Variants in GSK3B observed in about 807,000 individuals in gnomAD.
GSK3B encodes the protein glycogen synthase kinase-3 beta.
A neutral mutation model predicts 56.4 loss-of-function variants in GSK3B; 15 were observed. The observed-to-expected ratio is 0.27, with a 90% confidence interval of 0.18 to 0.41. The LOEUF (loss-of-function observed/expected upper bound fraction) is 0.41, where lower values mean the gene tolerates loss of function less well. Among genes scored for constraint, GSK3B ranks in the 10% least tolerant of loss-of-function variants. GSK3B has a pLI of 1.00. For missense variants in GSK3B, 300 were observed against 513.4 expected (o/e 0.58, Z 4.02); for synonymous variants, 181 against 188.9 (o/e 0.96, Z 0.34).
intron 1 of GSK3B, among the ~76,000 whole-genome samples, chr3:120,070,240 CAA>C (rs11341740): frequency 1.8e-4 from 23 of 131,134 alleles, no homozygotes; most frequent in African/African-American, 3.9e-4. Flanking sequence ...AAACAAAAAA[CAA>C]AAAAAAAAAA....
At position 119,863,400 on chromosome 3, in the gene GSK3B, G is replaced by A. The variant is rs201157969; in HGVS notation, c.1096+19C>T. 6.3e-6 allele frequency: 10 copies of A among 1,594,110 alleles called. No homozygotes were observed. Among genetic ancestry groups the A allele is most frequent in the Admixed American group, 1.7e-5 (1 of 59,966 alleles). ...TAGCTTTCCTAGAACTGGTGAAGAG[G>A]CTAAGTGTTTGGAGTTACCTTGAGT... On this transcript the variant is annotated intron_variant, in intron 9 of 10. Coordinates refer to ENST00000264235, the MANE Select transcript of GSK3B (RefSeq NM_001146156.2).
chr3:119,895,911 G>C (rs1559826942), intron 7 of GSK3B, among the ~76,000 whole-genome samples: 1 of 151,936 alleles, frequency 6.6e-6, no homozygotes, highest in Non-Finnish European at 1.5e-5. Context: ...ATCACTTCTT[G>C]AGCCCAGGAG....
chr3:119,843,224 T>C, intron 10 of GSK3B, 31 bp downstream of exon 10: 3 of 1,440,474 alleles, frequency 2.1e-6, no homozygotes, highest in Non-Finnish European at 2.9e-6. Flanking sequence ...CCAGAATATG[T>C]TTTTATAGAA....
chr3:120,046,087 G>A (rs992475797), intron 1 of GSK3B, among the ~76,000 whole-genome samples: 5 of 151,898 alleles, frequency 3.3e-5, no homozygotes, highest in African/African-American at 1.2e-4. Context: ...GAGGTGGATG[G>A]GAGGAGGGGA....
At position 119,862,937 on chromosome 3, in the gene GSK3B, T is replaced by C. The variant is rs544941323; in HGVS notation, c.1096+482A>G. Among the ~76,000 whole-genome samples, 9 of 152,278 alleles carry C rather than the reference T, an allele frequency of 5.9e-5. No homozygotes were observed. In the South Asian group the frequency reaches 1.9e-3, roughly 32 times the overall value. Reference sequence around the variant, plus strand: ...CAGAGGGGATGGAAATTTCCTTGTGTCTATTGTTTAAGTTCTTAGAAAGGG... The same window carrying C: ...CAGAGGGGATGGAAATTTCCTTGTGCCTATTGTTTAAGTTCTTAGAAAGGG... On this transcript the variant is annotated intron_variant, in intron 9 of 10. Coordinates refer to ENST00000264235, the MANE Select transcript of GSK3B (RefSeq NM_001146156.2).
chr3:119,990,232 C>G (rs1576252853), intron 2 of GSK3B, among the ~76,000 whole-genome samples: 1 of 151,966 alleles, frequency 6.6e-6, no homozygotes, highest in Admixed American at 6.6e-5. Flanking sequence ...GGAAAGATGT[C>G]TGCCCCAAGA....
chr3:119,911,845 G>A (rs1411063393), intron 6 of GSK3B, among the ~76,000 whole-genome samples: 4 of 152,126 alleles, frequency 2.6e-5, no homozygotes, highest in African/African-American at 9.7e-5. Flanking sequence ...GGGAGTTCAG[G>A]CCTTGCTGGG....
At chr3:119,952,319 C>G (rs2057165230) in intron 2 of GSK3B, among the ~76,000 whole-genome samples, 1 of 151,840 alleles carries the variant, frequency 6.6e-6, no homozygotes, top group Admixed American at 6.6e-5. Flanking sequence ...GAAACCCCAT[C>G]TCTACTAAAA....
intron 9 of GSK3B, among the ~76,000 whole-genome samples, chr3:119,849,451 G>A (rs1204762396): frequency 1.3e-5 from 2 of 152,162 alleles, no homozygotes; most frequent in Middle Eastern, 3.2e-3. Context: ...AAAGAGGACC[G>A]GAGTTTTTAA....
At chr3:120,066,452 T>C (rs1156762170) in intron 1 of GSK3B, among the ~76,000 whole-genome samples, 1 of 152,066 alleles carries the variant, frequency 6.6e-6, no homozygotes, top group African/African-American at 2.4e-5. Flanking sequence ...AGAGAATAGA[T>C]TAAAACATCA....
intron 1 of GSK3B, among the ~76,000 whole-genome samples, chr3:120,087,972 A>C (rs1329263490): frequency 6.6e-6 from 1 of 152,000 alleles, no homozygotes; most frequent in African/African-American, 2.4e-5. Flanking sequence ...AGCTCACTGC[A>C]ATCTCCGCCT....
intron 7 of GSK3B, among the ~76,000 whole-genome samples, chr3:119,904,820 A>G (rs2056665788): frequency 6.6e-6 from 1 of 152,126 alleles, no homozygotes; most frequent in South Asian, 2.1e-4. Flanking sequence ...ATGACCTCTA[A>G]GGAGATTTTT....
At chr3:119,991,173 A>G (rs936879397) in intron 2 of GSK3B, among the ~76,000 whole-genome samples, 1 of 152,110 alleles carries the variant, frequency 6.6e-6, no homozygotes, top group Admixed American at 6.5e-5. Context: ...AACAAACCAT[A>G]AGGAGGTTTG....
At chr3:119,978,577 C>A (rs1023634143) in intron 2 of GSK3B, among the ~76,000 whole-genome samples, 2 of 152,186 alleles carry the variant, frequency 1.3e-5, no homozygotes, top group Non-Finnish European at 1.5e-5. Context: ...CAGTGGGCAA[C>A]AGCAGCTCAT....
At chr3:119,895,555 C>A (rs2056553574) in intron 7 of GSK3B, among the ~76,000 whole-genome samples, 1 of 152,080 alleles carries the variant, frequency 6.6e-6, no homozygotes, top group South Asian at 2.1e-4. Context: ...TACAAGGATT[C>A]CCTTTTCTCC....
intron 2 of GSK3B, among the ~76,000 whole-genome samples, chr3:119,975,616 G>A (rs1189168122): frequency 6.6e-6 from 1 of 152,104 alleles, no homozygotes; most frequent in African/African-American, 2.4e-5. Context: ...TTGAAGAAGG[G>A]AAAAATGAGT....
At chr3:119,992,613 T>C (rs1026385811) in intron 2 of GSK3B, among the ~76,000 whole-genome samples, 3 of 151,298 alleles carry the variant, frequency 2.0e-5, no homozygotes, top group South Asian at 2.1e-4. Context: ...TTCAACTGCA[T>C]AGAGGGAAGG....
chr3:119,921,664 A>G (rs530748634), intron 4 of GSK3B, among the ~76,000 whole-genome samples: 1 of 152,198 alleles, frequency 6.6e-6, no homozygotes, highest in Non-Finnish European at 1.5e-5. Flanking sequence ...TATGGATTAA[A>G]AGAAACATTA....
intron 1 of GSK3B, among the ~76,000 whole-genome samples, chr3:120,090,130 A>C (rs1001527507): frequency 6.6e-6 from 1 of 152,118 alleles, no homozygotes; most frequent in Non-Finnish European, 1.5e-5. Flanking sequence ...AAAATGTTAC[A>C]GTCACAGTTT....
Sources: allele counts gnomAD v4.1 joint callset (sites outside exome capture counted in the v4.1 genomes callset), GRCh38; gene constraint gnomAD v4.1.1; transcripts MANE v1.5; gene names NCBI Gene and HGNC (gene_info 2026-07-23, HGNC 2026-07-21).